Variants in DGKB observed in about 807,000 individuals in gnomAD.
The protein encoded by DGKB is 90 kDa diacylglycerol kinase.
In DGKB, 67 loss-of-function variants were observed where a neutral mutation model predicts 114.3. The observed-to-expected ratio is 0.59, with a 90% CI of 0.48 to 0.72. The LOEUF is 0.72. Ranked by LOEUF, DGKB falls within the 30% of genes least tolerant of loss-of-function variation. DGKB has a pLI of 0.00. For missense variants in DGKB, 907 were observed against 975.2 expected, an observed-to-expected ratio of 0.93 and a Z score of 0.93; for synonymous variants, 398 against 323.1, an observed-to-expected ratio of 1.23 and a Z score of -2.49.
chr7:14,971,489 T>C (rs928549854), intron 1 of DGKB, among the ~76,000 whole-genome samples: 1 of 152,170 alleles, frequency 6.6e-6, no homozygotes, highest in Admixed American at 6.6e-5. Flanking sequence ...ACAAGAATTA[T>C]GTGGTTCAAG....
intron 1 of DGKB, among the ~76,000 whole-genome samples, chr7:14,874,342 G>A (rs900352451): frequency 6.6e-6 from 1 of 152,012 alleles, no homozygotes; most frequent in Non-Finnish European, 1.5e-5. Flanking sequence ...AGAGAGACAA[G>A]TTAGTTGATA....
intron 1 of DGKB, among the ~76,000 whole-genome samples, chr7:14,916,942 G>A (rs1784267442): frequency 6.6e-6 from 1 of 151,964 alleles, no homozygotes; most frequent in Non-Finnish European, 1.5e-5. Context: ...AGCAAAGTAT[G>A]CTCTCAAATG....
chr7:14,852,059 G>C (rs746766204), intron 1 of DGKB, among the ~76,000 whole-genome samples: 4 of 152,128 alleles, frequency 2.6e-5, no homozygotes, highest in Non-Finnish European at 5.9e-5. Context: ...TTATTTTACA[G>C]CACTAATTAT....
intron 23 of DGKB, among the ~76,000 whole-genome samples, chr7:14,205,039 C>T (rs1463843812): frequency 6.6e-6 from 1 of 152,012 alleles, no homozygotes; most frequent in African/African-American, 2.4e-5. Flanking sequence ...TCCAACCTAT[C>T]AGTAAATCTA....
chr7:14,445,779 G>T (rs950832386), intron 21 of DGKB, among the ~76,000 whole-genome samples: 1 of 151,802 alleles, frequency 6.6e-6, no homozygotes, highest in South Asian at 2.1e-4. Flanking sequence ...CATTAAACAC[G>T]GGTATAAGTT....
intron 1 of DGKB, among the ~76,000 whole-genome samples, chr7:14,852,814 A>G (rs1849590666): frequency 6.6e-6 from 1 of 152,170 alleles, no homozygotes; most frequent in Non-Finnish European, 1.5e-5. Flanking sequence ...GCAAATTGAT[A>G]AATTTATCTT....
At chr7:14,926,441 C>T (rs1430189166) in intron 1 of DGKB, among the ~76,000 whole-genome samples, 3 of 150,522 alleles carry the variant, frequency 2.0e-5, no homozygotes, top group African/African-American at 7.3e-5. Flanking sequence ...ACTTTTTTTC[C>T]ACCTTTTGGA....
intron 17 of DGKB, among the ~76,000 whole-genome samples, chr7:14,597,732 C>A (rs928936224): frequency 3.3e-5 from 5 of 152,068 alleles, no homozygotes; most frequent in Non-Finnish European, 5.9e-5. Context: ...TTACTTGAGT[C>A]ACCTAAGACT....
intron 23 of DGKB, among the ~76,000 whole-genome samples, chr7:14,188,105 G>T (rs1208609221): frequency 1.3e-5 from 2 of 151,994 alleles, no homozygotes; most frequent in Non-Finnish European, 1.5e-5. Flanking sequence ...TGAAGGAGAA[G>T]AAAGAATTTA....
upstream of DGKB, among the ~76,000 whole-genome samples, chr7:14,905,649 C>T (rs1388059292): frequency 6.6e-6 from 1 of 152,138 alleles, no homozygotes; most frequent in Non-Finnish European, 1.5e-5. Flanking sequence ...ATCATCAAAA[C>T]AAGTATTCCC....
intron 2 of DGKB, among the ~76,000 whole-genome samples, chr7:14,823,891 T>C (rs1845295011): frequency 1.3e-5 from 2 of 152,176 alleles, no homozygotes; most frequent in African/African-American, 2.4e-5. Context: ...TATGTATTCA[T>C]CTGTTCTCAC....
intron 25 of DGKB, among the ~76,000 whole-genome samples, chr7:14,157,079 TTA>T (rs1491174725): frequency 1.2e-4 from 18 of 152,310 alleles, no homozygotes; most frequent in African/African-American, 3.8e-4. Flanking sequence ...TAAGAGTTTA[TTA>T]TCACTGAATT....
intron 23 of DGKB, among the ~76,000 whole-genome samples, chr7:14,229,291 T>C (rs1454224502): frequency 6.6e-6 from 1 of 151,990 alleles, no homozygotes; most frequent in Non-Finnish European, 1.5e-5. Context: ...TGAGATGATT[T>C]TGTCATTGTG....
intron 23 of DGKB, among the ~76,000 whole-genome samples, chr7:14,205,856 C>CTT (rs1332021604): frequency 2.0e-5 from 3 of 151,848 alleles, no homozygotes; most frequent in Non-Finnish European, 2.9e-5. Context: ...CTATAGCTTA[C>CTT]TAAAATAGGG....
chr7:14,186,069 G>A (rs977499491), intron 23 of DGKB, among the ~76,000 whole-genome samples: 3 of 152,200 alleles, frequency 2.0e-5, no homozygotes, highest in Admixed American at 2.0e-4. Flanking sequence ...ACAGTCAGCA[G>A]AGTAAACAGA....
chr7:14,733,750 G>GAAGAAAGA (rs112075915), intron 5 of DGKB, among the ~76,000 whole-genome samples: 7 of 6,610 alleles, frequency 1.1e-3, no homozygotes, highest in Non-Finnish European at 1.2e-3. Context: ...AAGAAATAAA[G>GAAGAAAGA]AAGAAAGAAA....
At chr7:14,240,670 T>C (rs1266356671) in intron 23 of DGKB, among the ~76,000 whole-genome samples, 1 of 152,076 alleles carries the variant, frequency 6.6e-6, no homozygotes, top group African/African-American at 2.4e-5. Context: ...AAAACTTAGT[T>C]TCTGCCATGT....
At position 14,148,464 on chromosome 7, in the gene DGKB, C is replaced by CACTT. The variant is rs1322265694; in HGVS notation, c.*663_*666dup. The CACTT allele has an allele frequency of 2.6e-5, 4 of 152,602 alleles. No individual in the cohort carries two copies. Among genetic ancestry groups the CACTT allele is most frequent in the African/African-American group, 9.7e-5 (4 of 41,430 alleles). The allele number at this position is 152,602 out of a possible 1,614,324, so 9.5% of individuals were successfully genotyped here. A position where few individuals can be genotyped will look rare whatever the true frequency, so the allele number is the denominator to read the frequency against. On this transcript the variant is annotated 3_prime_UTR_variant, in exon 26 of 26. Transcript: ENST00000402815. ...ACTTGACTGTCAAGTAACATGTTTTCACTTATTTCTGGAATTAAAAAGAAA... is the reference window on the plus strand; with the variant it reads ...ACTTGACTGTCAAGTAACATGTTTTCACTTACTTATTTCTGGAATTAAAAAGAAA...
intron 2 of DGKB, among the ~76,000 whole-genome samples, chr7:14,769,502 C>T (rs573411563): frequency 6.6e-6 from 1 of 150,922 alleles, no homozygotes; most frequent in African/African-American, 2.4e-5. Flanking sequence ...TTAACAAGCA[C>T]CATCTCATAA....
Sources: gnomAD v4.1 joint callset for allele counts (sites outside exome capture counted in the v4.1 genomes callset) on GRCh38, gnomAD v4.1.1 for gene constraint, MANE v1.5 for transcripts, NCBI Gene and HGNC (gene_info 2026-07-23, HGNC 2026-07-21) for gene names.